Variants in ESRRG observed in about 807,000 individuals in gnomAD.
The protein encoded by ESRRG is estrogen related receptor gamma.
Under a neutral mutation model 44.0 loss-of-function variants are expected in ESRRG, and 13 were observed. The observed-to-expected ratio is 0.30, with a 90% CI of 0.19 to 0.47. ESRRG has a LOEUF of 0.47. ESRRG is among the 20% of genes least tolerant of loss of function. ESRRG has a pLI of 1.00. For synonymous variants in ESRRG, 215 were observed against 214.6 expected, an observed-to-expected ratio of 1.00 and a Z score of -0.02; for missense variants, 395 against 580.6, an observed-to-expected ratio of 0.68 and a Z score of 3.29.
chr1:217,137,188 G>A lies in ESRRG; in HGVS notation c.-230+479C>T, dbSNP rs972552522. ...CCTAACCTCTACTAGTACCCCAAAGGGCAAAAACCAAACAGGGTCCCCCAT... is the reference window on the plus strand; with the variant it reads ...CCTAACCTCTACTAGTACCCCAAAGAGCAAAAACCAAACAGGGTCCCCCAT... On this transcript the variant is annotated intron_variant, in intron 1 of 8. Coordinates refer to the ESRRG transcript ENST00000366940. Among the ~76,000 whole-genome samples the A allele has an allele frequency of 3.0e-4, 46 of 152,094 alleles. 1 individual carries two copies. Among genetic ancestry groups the A allele is most frequent in the Admixed American group, 2.8e-3 (43 of 15,278 alleles).
At chr1:216,863,864 C>G (rs1380480073) in intron 2 of ESRRG, 12 of 152,166 alleles carry the variant, frequency 7.9e-5, no homozygotes, top group Admixed American at 7.9e-4. Flanking sequence ...GAAGCTCCTA[C>G]TCTGTGCTCC....
At chr1:217,066,315 C>G (rs1241626029) in intron 1 of ESRRG, among the ~76,000 whole-genome samples, 2 of 138,958 alleles carry the variant, frequency 1.4e-5, no homozygotes, top group South Asian at 2.3e-4. Context: ...AGTGCAGTGG[C>G]GCGATCTCGG....
intron 1 of ESRRG, among the ~76,000 whole-genome samples, chr1:216,957,337 T>C (rs1481942924): frequency 1.3e-5 from 2 of 152,144 alleles, no homozygotes; most frequent in Non-Finnish European, 2.9e-5. Flanking sequence ...AGCCAAGATG[T>C]CTCCTGTGAA....
chr1:216,709,333 G>GTA lies in ESRRG; in HGVS notation c.56+13910_56+13911insTA, dbSNP rs200300739. 9.5e-3 allele frequency among the ~76,000 whole-genome samples: 630 copies of GTA among 66,028 alleles called. 4 individuals are homozygous for GTA. Among genetic ancestry groups the GTA allele is most frequent in the African/African-American group, 0.032 (599 of 18,884 alleles). The allele number at this position is 66,028 out of a possible 152,430, so 43.3% of individuals were successfully genotyped here. On this transcript the variant is annotated intron_variant, in intron 1 of 6. Coordinates refer to ENST00000408911, the MANE Select transcript of ESRRG (RefSeq NM_001438.4). The stretch of plus-strand genomic sequence containing the variant: ...TGTGTACAGATATATATGTGTATGT[G>GTA]TGTGTGTGTGTATATATATATATAT...
intron 5 of ESRRG, among the ~76,000 whole-genome samples, chr1:216,547,530 G>C (rs1241647485): frequency 6.6e-6 from 1 of 152,044 alleles, no homozygotes; most frequent in Non-Finnish European, 1.5e-5. Context: ...CACATTTAAT[G>C]GGGCTGCACA....
intron 2 of ESRRG, among the ~76,000 whole-genome samples, chr1:216,760,917 G>C (rs2092732829): frequency 6.6e-6 from 1 of 152,054 alleles, no homozygotes; most frequent in African/African-American, 2.4e-5. Context: ...CAGAGGAATA[G>C]AAAGGAGGGC....
intron 5 of ESRRG, among the ~76,000 whole-genome samples, chr1:216,551,259 T>A (rs1227711420): frequency 6.6e-6 from 1 of 152,210 alleles, no homozygotes; most frequent in Non-Finnish European, 1.5e-5. Flanking sequence ...ATATATACTT[T>A]GTTTAGTGCA....
intron 1 of ESRRG, among the ~76,000 whole-genome samples, chr1:217,124,070 T>C (rs187628459): frequency 1.1e-3 from 161 of 152,322 alleles, no homozygotes; most frequent in Non-Finnish European, 1.9e-3. Flanking sequence ...TTCCAGATGT[T>C]GGTTTGATAT....
At chr1:217,126,942 C>T (rs932391425) in intron 1 of ESRRG, among the ~76,000 whole-genome samples, 1 of 152,024 alleles carries the variant, frequency 6.6e-6, no homozygotes, top group Non-Finnish European at 1.5e-5. Flanking sequence ...CTGAAGCCTG[C>T]CTTTTGAAAT....
At chr1:217,036,410 C>A (rs2082903061) in intron 1 of ESRRG, among the ~76,000 whole-genome samples, 1 of 152,144 alleles carries the variant, frequency 6.6e-6, no homozygotes, top group South Asian at 2.1e-4. Context: ...ATGGAATCAA[C>A]CTAAATGCCC....
chr1:216,676,556 G>A (rs1433834452), intron 2 of ESRRG, among the ~76,000 whole-genome samples: 1 of 152,112 alleles, frequency 6.6e-6, no homozygotes, highest in East Asian at 1.9e-4. Flanking sequence ...CTGAAAATTT[G>A]TTAAAAATAT....
chr1:217,044,974 C>T (rs2084591017), intron 1 of ESRRG, among the ~76,000 whole-genome samples: 1 of 152,082 alleles, frequency 6.6e-6, no homozygotes, highest in Non-Finnish European at 1.5e-5. Flanking sequence ...TAATGTTATC[C>T]TCAGCATAAA....
chr1:216,655,685 T>C (rs1314044925), intron 2 of ESRRG, among the ~76,000 whole-genome samples: 1 of 152,166 alleles, frequency 6.6e-6, no homozygotes, highest in East Asian at 1.9e-4. Context: ...ATACGGATAA[T>C]AACCTTGATT....
At chr1:216,920,572 T>C (rs1274841081) in intron 2 of ESRRG, among the ~76,000 whole-genome samples, 1 of 152,208 alleles carries the variant, frequency 6.6e-6, no homozygotes, top group Non-Finnish European at 1.5e-5. Context: ...AATAGATTGT[T>C]ACTGATGTAC....
chr1:216,806,544 G>A (rs1218734754), intron 2 of ESRRG, among the ~76,000 whole-genome samples: 3 of 152,160 alleles, frequency 2.0e-5, no homozygotes, highest in Non-Finnish European at 4.4e-5. Context: ...GCATGACGAT[G>A]CAAAAGAATA....
chr1:216,658,666 CAAAAAAAAA>C (rs3040932), intron 2 of ESRRG, among the ~76,000 whole-genome samples: 48 of 130,334 alleles, frequency 3.7e-4, no homozygotes, highest in African/African-American at 1.3e-3. Context: ...ACTAAAAATA[CAAAAAAAAA>C]AAAAAAAAAT....
At chr1:217,092,755 T>G (rs939669340), upstream of ESRRG, among the ~76,000 whole-genome samples, 3 of 152,230 alleles carry the variant, frequency 2.0e-5, no homozygotes, top group Admixed American at 1.3e-4. Context: ...AACATAGTGC[T>G]AAGTACAACA....
chr1:217,049,497 T>G (rs2085503226), intron 1 of ESRRG, among the ~76,000 whole-genome samples: 1 of 152,188 alleles, frequency 6.6e-6, no homozygotes. Context: ...AGAGAAGATA[T>G]ACTATGCCTA....
At chr1:216,934,047 T>C (rs1470406506) in intron 2 of ESRRG, among the ~76,000 whole-genome samples, 2 of 152,176 alleles carry the variant, frequency 1.3e-5, no homozygotes. Context: ...TTAACCTTAT[T>C]ATTGACTATT....
Sources: gnomAD v4.1 joint callset for allele counts (sites outside exome capture counted in the v4.1 genomes callset) on GRCh38, gnomAD v4.1.1 for gene constraint, MANE v1.5 for transcripts, NCBI Gene and HGNC (gene_info 2026-07-23, HGNC 2026-07-21) for gene names.